The following ARHGAP15 variants were observed in gnomAD, a reference collection of about 807,000 sequenced individuals.
ARHGAP15 encodes rho GTPase-activating protein 15.
Under a neutral mutation model 63.7 loss-of-function variants are expected in ARHGAP15, and 51 were observed. The observed-to-expected ratio is 0.80, with a 90% CI of 0.64 to 1.01. The LOEUF (loss-of-function observed/expected upper bound fraction) is 1.01, where lower values mean the gene tolerates loss of function less well. Among genes scored for constraint, ARHGAP15 ranks in the 50% least tolerant of loss-of-function variants. ARHGAP15 has a pLI of 0.00. For missense variants in ARHGAP15, 560 were observed against 564.6 expected (o/e 0.99, Z 0.08); for synonymous variants, 191 against 193.8 (o/e 0.99, Z 0.12).
At chr2:143,611,282 G>C (rs1442703648) in intron 11 of ARHGAP15, among the ~76,000 whole-genome samples, 1 of 151,914 alleles carries the variant, frequency 6.6e-6, no homozygotes, top group Non-Finnish European at 1.5e-5. Flanking sequence ...TTCCCTTCTT[G>C]CTCTATATGT....
chr2:143,386,245 C>T (rs1427456579), intron 6 of ARHGAP15, among the ~76,000 whole-genome samples: 2 of 151,962 alleles, frequency 1.3e-5, no homozygotes, highest in South Asian at 2.1e-4. Flanking sequence ...CAAAAATGGC[C>T]ATGGGTTTTT....
chr2:143,712,989 A>G (rs1205436567), intron 13 of ARHGAP15, among the ~76,000 whole-genome samples: 2 of 152,234 alleles, frequency 1.3e-5, no homozygotes, highest in Admixed American at 1.3e-4. Flanking sequence ...ACCGTGTCCT[A>G]CATAGATACT....
chr2:143,757,952 A>G (rs2105542094), intron 13 of ARHGAP15, among the ~76,000 whole-genome samples: 1 of 152,190 alleles, frequency 6.6e-6, no homozygotes, highest in African/African-American at 2.4e-5. Flanking sequence ...TGTGCCACAA[A>G]AGTAATGAAA....
intron 3 of ARHGAP15, among the ~76,000 whole-genome samples, chr2:143,205,043 C>G (rs929828895): frequency 2.0e-5 from 3 of 151,804 alleles, no homozygotes; most frequent in Admixed American, 6.6e-5. Flanking sequence ...AGGGGGCTCA[C>G]TTTAGGTTGG....
chr2:143,353,992 A>AT (rs766490471), intron 6 of ARHGAP15, among the ~76,000 whole-genome samples: 9,617 of 143,372 alleles, frequency 0.067, 403 homozygotes, highest in Non-Finnish European at 0.099. Context: ...CTGTTCAGGT[A>AT]TTTTTTTTTT....
intron 6 of ARHGAP15, among the ~76,000 whole-genome samples, chr2:143,294,651 A>C (rs1682558973): frequency 6.6e-6 from 1 of 152,026 alleles, no homozygotes; most frequent in African/African-American, 2.4e-5. Context: ...ACTTCTGCTT[A>C]TTTCTTACTA....
intron 12 of ARHGAP15, among the ~76,000 whole-genome samples, chr2:143,665,831 G>A (rs1277069458): frequency 1.3e-5 from 2 of 150,520 alleles, no homozygotes; most frequent in African/African-American, 4.9e-5. Context: ...GCTTCAAAGA[G>A]AATAAAATAC....
At chr2:143,153,202 C>A (rs981259200) in intron 1 of ARHGAP15, among the ~76,000 whole-genome samples, 1 of 151,808 alleles carries the variant, frequency 6.6e-6, no homozygotes, top group Non-Finnish European at 1.5e-5. Flanking sequence ...ATGCTCTTGG[C>A]CAGAAGAGAG....
intron 6 of ARHGAP15, among the ~76,000 whole-genome samples, chr2:143,423,435 C>T (rs759454224): frequency 6.6e-6 from 1 of 152,102 alleles, no homozygotes; most frequent in Non-Finnish European, 1.5e-5. Context: ...TTCTATACCC[C>T]TTTATTGAGA....
intron 6 of ARHGAP15, among the ~76,000 whole-genome samples, chr2:143,308,214 A>G (rs984542914): frequency 1.3e-5 from 2 of 152,234 alleles, no homozygotes. Flanking sequence ...AATACCATAA[A>G]TAGACTTAAA....
intron 13 of ARHGAP15, among the ~76,000 whole-genome samples, chr2:143,724,700 G>A (rs80338282): frequency 0.087 from 13,215 of 152,170 alleles, 729 homozygotes; most frequent in Non-Finnish European, 0.12. Flanking sequence ...ATGAAAGTGC[G>A]TGCATTTACC....
At chr2:143,247,809 T>G (rs1040395721) in intron 5 of ARHGAP15, among the ~76,000 whole-genome samples, 3 of 152,196 alleles carry the variant, frequency 2.0e-5, no homozygotes, top group African/African-American at 7.2e-5. Flanking sequence ...TCCTTTGAAC[T>G]GTTTCTCACT....
At chr2:143,398,775 C>A (rs981882737) in intron 6 of ARHGAP15, among the ~76,000 whole-genome samples, 1 of 10,386 alleles carries the variant, frequency 9.6e-5, no homozygotes, top group Non-Finnish European at 1.8e-4. Flanking sequence ...AAAAAATCCT[C>A]ATTTTTTTTT....
chr2:143,605,858 CAAA>C (rs373847590), intron 11 of ARHGAP15, among the ~76,000 whole-genome samples: 17 of 85,310 alleles, frequency 2.0e-4, no homozygotes, highest in South Asian at 4.9e-4. Flanking sequence ...TACTAAAATA[CAAA>C]AAAAAAAAAA....
chr2:143,569,706 C>T (rs1369607738), intron 11 of ARHGAP15, among the ~76,000 whole-genome samples: 1 of 152,046 alleles, frequency 6.6e-6, no homozygotes, highest in East Asian at 1.9e-4. Context: ...ATTAGCTGAA[C>T]CTATTTATTT....
chr2:143,616,040 A>G lies in ARHGAP15; in HGVS notation c.1004-8093A>G, dbSNP rs1027300302. On this transcript the variant is annotated intron_variant, in intron 11 of 13. Transcript: ENST00000295095. ...ATTTTTTTTTATGATCCTCACTGAA[A>G]GAAAAAAGTCTGTTCATTTTTGTTG... 5.3e-5 allele frequency among the ~76,000 whole-genome samples: 8 copies of G among 152,168 alleles called. No individual in the cohort carries two copies. In the East Asian group the frequency reaches 5.8e-4, roughly 11 times the overall value.
At chr2:143,393,321 G>C (rs1034894419) in intron 6 of ARHGAP15, among the ~76,000 whole-genome samples, 5 of 152,022 alleles carry the variant, frequency 3.3e-5, no homozygotes, top group African/African-American at 1.2e-4. Flanking sequence ...TTGTCCACTA[G>C]ATAGACATCA....
At chr2:143,421,258 G>A (rs1688904857) in intron 6 of ARHGAP15, among the ~76,000 whole-genome samples, 1 of 152,142 alleles carries the variant, frequency 6.6e-6, no homozygotes, top group African/African-American at 2.4e-5. Context: ...AGGACTTAGT[G>A]CAGAATCACC....
chr2:143,199,129 C>T (rs1574080328), intron 2 of ARHGAP15, among the ~76,000 whole-genome samples: 2 of 152,162 alleles, frequency 1.3e-5, no homozygotes, highest in African/African-American at 4.8e-5. Context: ...TCTTTCACTC[C>T]TGAGAAGAAG....
Sources: gnomAD v4.1 joint callset for allele counts (sites outside exome capture counted in the v4.1 genomes callset) on GRCh38, gnomAD v4.1.1 for gene constraint, MANE v1.5 for transcripts, NCBI Gene and HGNC (gene_info 2026-07-23, HGNC 2026-07-21) for gene names.